HFM1: variants seen among roughly 807,000 people sequenced by gnomAD.
HFM1 encodes the protein helicase for meiosis 1.
Under a neutral mutation model 192.1 loss-of-function variants are expected in HFM1, and 169 were observed. That is an observed-to-expected ratio of 0.88 (90% CI 0.78 to 1.00). The LOEUF (loss-of-function observed/expected upper bound fraction) is 1.00, where lower values mean the gene tolerates loss of function less well. Among genes scored for constraint, HFM1 ranks in the 50% least tolerant of loss-of-function variants. The probability of loss-of-function intolerance (pLI) is 0.00; values close to 1 mark genes in which losing one functional copy is unlikely to be tolerated. For missense variants in HFM1, 1,661 were observed against 1,668.0 expected (o/e 1.00, Z 0.07); for synonymous variants, 525 against 537.8 (o/e 0.98, Z 0.33).
At chr1:91,315,760 TC>T in intron 28 of HFM1, 54 bp downstream of exon 28, 1 of 1,312,044 alleles carries the variant, frequency 7.6e-7, no homozygotes. Flanking sequence ...GTAGAATTTT[TC>T]TTTTACAGTA....
At chr1:91,340,647 G>A (rs920051828) in intron 20 of HFM1, among the ~76,000 whole-genome samples, 16 of 152,090 alleles carry the variant, frequency 1.1e-4, no homozygotes, top group Admixed American at 2.0e-4. Context: ...CTTAAAAGGC[G>A]CAGAGTGACA....
At chr1:91,332,784 G>A (rs169472) in intron 20 of HFM1, among the ~76,000 whole-genome samples, 136,129 of 152,240 alleles carry the variant, frequency 0.89, 60,920 homozygotes, top group Middle Eastern at 0.95. Context: ...TGAAAAATGG[G>A]CAAAAGATTT....
intron 30 of HFM1, among the ~76,000 whole-genome samples, chr1:91,308,585 G>A (rs1320168660): frequency 6.6e-6 from 1 of 152,022 alleles, no homozygotes; most frequent in East Asian, 1.9e-4. Flanking sequence ...GAGTGCAGTG[G>A]TAAATTCACA....
intron 6 of HFM1, among the ~76,000 whole-genome samples, chr1:91,384,395 C>G (rs1328068385): frequency 6.6e-6 from 1 of 152,110 alleles, no homozygotes; most frequent in East Asian, 1.9e-4. Flanking sequence ...ACCTCCAGAA[C>G]ACACAAACAT....
Position 91,276,705 on chromosome 1 carries a change from ACT to A in HFM1, c.3509_3510del (p.Glu1170ValfsTer9). 1 of 1,559,016 alleles carries A rather than the reference ACT, an allele frequency of 6.4e-7. No individual in the cohort carries two copies. Among genetic ancestry groups the A allele is most frequent in the Non-Finnish European group, 8.6e-7 (1 of 1,157,344 alleles). ...IGVAQKSEIK[E>X]STISSYLSDL... ...TCAGATAAATATGAAGAAATTGTTG[ACT>A]CTTTAATTTCTGACTTCTGTGCAAC... is the stretch of plus-strand genomic sequence containing the variant. On this transcript the variant is annotated frameshift_variant, in exon 32 of 39. Transcript: ENST00000370425. LOFTEE classifies it high-confidence loss of function.
chr1:91,271,920 G>A (rs967204443), intron 34 of HFM1, among the ~76,000 whole-genome samples: 1 of 152,102 alleles, frequency 6.6e-6, no homozygotes, highest in Non-Finnish European at 1.5e-5. Flanking sequence ...ATCTCTTGGA[G>A]TCTTGGCTTC....
At chr1:91,343,101 G>T (rs1655587952) in intron 20 of HFM1, among the ~76,000 whole-genome samples, 3 of 151,704 alleles carry the variant, frequency 2.0e-5, no homozygotes, top group Admixed American at 2.0e-4. Context: ...CATGGTGGCA[G>T]GCGCCTGTAG....
intron 1 of HFM1, among the ~76,000 whole-genome samples, chr1:91,401,331 G>C (rs982671608): frequency 2.0e-5 from 3 of 152,124 alleles, no homozygotes; most frequent in Non-Finnish European, 4.4e-5. Context: ...TCTCTTCATA[G>C]TGCTCCAATG....
intron 20 of HFM1, among the ~76,000 whole-genome samples, chr1:91,339,541 C>T (rs1655047989): frequency 6.6e-6 from 1 of 151,950 alleles, no homozygotes; most frequent in Non-Finnish European, 1.5e-5. Context: ...GCTGAGGAAA[C>T]AATCTCAGAG....
chr1:91,320,203 A>C (rs1209057373), intron 23 of HFM1, among the ~76,000 whole-genome samples: 1 of 152,240 alleles, frequency 6.6e-6, no homozygotes, highest in Non-Finnish European at 1.5e-5. Context: ...AATAAGACCG[A>C]AACAGTCAGC....
At position 91,401,076 on chromosome 1, in the gene HFM1, T is replaced by G; in HGVS notation, c.7A>C (p.Lys3Gln). ...AAAGAAAACAGGCAATCATTTGATT[T>G]CAGCATTGTTGAAAACTGGACTTTG... Reference protein sequence around the residue: MLKSNDCLFSLEN... With the variant: MLQSNDCLFSLEN... The change falls in exon 2 of 39, where the codon AAA (lysine) becomes CAA (glutamine). Residue 3 changes from lysine (K) to glutamine (Q), a missense_variant. Transcript: ENST00000370425. The G allele has an allele frequency of 6.5e-7, 1 of 1,547,398 alleles. No individual in the cohort carries two copies. Among genetic ancestry groups the G allele is most frequent in the Non-Finnish European group, 8.7e-7 (1 of 1,149,478 alleles).
chr1:91,362,948 T>C (rs891317727), intron 13 of HFM1, among the ~76,000 whole-genome samples: 7 of 152,264 alleles, frequency 4.6e-5, no homozygotes, highest in Non-Finnish European at 1.0e-4. Context: ...ATTTAATAAA[T>C]GGTGCTGGGA....
At chr1:91,311,482 C>T (rs948273027) in intron 30 of HFM1, among the ~76,000 whole-genome samples, 19 of 151,844 alleles carry the variant, frequency 1.3e-4, no homozygotes, top group Admixed American at 7.2e-4. Flanking sequence ...AAAAATTAGC[C>T]GGGCATGCTG....
rs758329770 is a variant in HFM1 at position 91,385,232 on chromosome 1, C to T, written c.757G>A (p.Val253Ile). 1.9e-6 allele frequency: 3 copies of T among 1,542,310 alleles called. No individual in the cohort carries two copies. The highest frequency in any genetic ancestry group is 2.7e-6 in the Non-Finnish European group (3 of 1,124,370). ...VAFQPHDIQE[V>I]TENGLGSLKA... is the part of the protein sequence containing the mutation. ...AAGGAACCTAAACCATTTTCTGTTACCTCTGAAAAAAAAATGCTACATATT... is the reference window on the plus strand; with the variant it reads ...AAGGAACCTAAACCATTTTCTGTTATCTCTGAAAAAAAAATGCTACATATT... The change falls in exon 6 of 39, where the codon GTA becomes ATA. Residue 253 changes from valine to isoleucine, a missense_variant and splice_region_variant. By Grantham distance (29) the Val-to-Ile change is conservative (BLOSUM62 3). Transcript: ENST00000370425.
At chr1:91,323,512 G>A (rs1240965395) in intron 21 of HFM1, among the ~76,000 whole-genome samples, 1 of 152,068 alleles carries the variant, frequency 6.6e-6, no homozygotes, top group East Asian at 1.9e-4. Context: ...TAATAAATAA[G>A]TCCTCAATAA....
rs1259065937 is a variant in HFM1, at chr1:91,265,735, T to C, written c.3974+282A>G. Among the ~76,000 whole-genome samples the C allele has an allele frequency of 2.0e-5, 3 of 152,214 alleles. No individual in the cohort carries two copies. The East Asian group carries it at 5.8e-4, about 29-fold the overall frequency. On this transcript the variant is annotated intron_variant, in intron 36 of 38. Coordinates refer to ENST00000370425, the MANE Select transcript of HFM1 (RefSeq NM_001017975.6). Reference sequence around the variant, plus strand: ...AAACTCCTATTCAGTTTTCAAGTCTTGTTAAAAGTGAAGGTTCCTGGGCTC... The same window carrying C: ...AAACTCCTATTCAGTTTTCAAGTCTCGTTAAAAGTGAAGGTTCCTGGGCTC...
chr1:91,392,917 G>A (rs1663192859), intron 4 of HFM1, among the ~76,000 whole-genome samples: 1 of 152,190 alleles, frequency 6.6e-6, no homozygotes, highest in African/African-American at 2.4e-5. Context: ...CAGGTGCTGT[G>A]GAAAGGGAGA....
rs774669891 is a variant in HFM1 at position 91,375,600 on chromosome 1, T to C, written c.1523A>G (p.Lys508Arg). 1 of 1,613,560 alleles carries C rather than the reference T, an allele frequency of 6.2e-7. No homozygotes were observed. Among genetic ancestry groups the C allele is most frequent in the South Asian group, 1.1e-5 (1 of 91,070 alleles). The change falls in exon 12 of 39, where the codon AAG (lysine) becomes AGG (arginine). Residue 508 changes from lysine to arginine, a missense_variant. Coordinates refer to ENST00000370425, the MANE Select transcript of HFM1 (RefSeq NM_001017975.6). ...TTTGTAGTTGAGGGTTAAATCAAAC[T>C]TAAACTCAGTTTGGTTACTACTGCA... ...FPCSSNQTEFKFDLTLNYKIA... is the reference protein window; with the variant it reads ...FPCSSNQTEFRFDLTLNYKIA...
chr1:91,396,424 T>C lies in HFM1; in HGVS notation c.72-19A>G, dbSNP rs1364172538. 8.1e-7 allele frequency: 1 copy of C among 1,240,860 alleles called. No individual in the cohort carries two copies. Among genetic ancestry groups the C allele is most frequent in the Non-Finnish European group, 1.2e-6 (1 of 860,912 alleles). 76.9% of individuals were successfully genotyped at this position (1,240,860 alleles called of 1,614,324 possible). Reference sequence around the variant, plus strand: ...TGGATGGCTATATAAAATATAAAAATGTGAGTATATATGTTAATAAAGATA... The same window carrying C: ...TGGATGGCTATATAAAATATAAAAACGTGAGTATATATGTTAATAAAGATA... On this transcript the variant is annotated intron_variant, in intron 2 of 38. Coordinates refer to ENST00000370425, the MANE Select transcript of HFM1 (RefSeq NM_001017975.6).
Sources: gnomAD v4.1 joint callset for allele counts (sites outside exome capture counted in the v4.1 genomes callset) on GRCh38, gnomAD v4.1.1 for gene constraint, MANE v1.5 for transcripts, NCBI Gene and HGNC (gene_info 2026-07-23, HGNC 2026-07-21) for gene names.